Variants in SEPHS1 observed in about 807,000 individuals in gnomAD.
SEPHS1 encodes selenophosphate synthetase 1.
SEPHS1 carries 7 observed loss-of-function variants against 39.2 expected under a neutral mutation model. The ratio of observed to expected loss-of-function variants is 0.18; its 90% CI spans 0.10 to 0.34. The LOEUF is 0.34. Among genes scored for constraint, SEPHS1 ranks in the 10% least tolerant of loss-of-function variants. The pLI is 1.00. For synonymous variants in SEPHS1, 190 were observed against 195.5 expected, an observed-to-expected ratio of 0.97 and a Z score of 0.23; for missense variants, 253 against 514.5, an observed-to-expected ratio of 0.49 and a Z score of 4.92.
At chr10:13,333,437 G>A (rs886755860) in intron 5 of SEPHS1, among the ~76,000 whole-genome samples, 40 of 148,276 alleles carry the variant, frequency 2.7e-4, no homozygotes, top group East Asian at 2.0e-4. Flanking sequence ...CCAGCCTTGC[G>A]TTCTTGTCTT....
chr10:13,341,255 C>T (rs566713219), intron 2 of SEPHS1, among the ~76,000 whole-genome samples: 18 of 152,150 alleles, frequency 1.2e-4, no homozygotes, highest in African/African-American at 3.9e-4. Flanking sequence ...GACAGAGGGA[C>T]GGTCCAGAGG....
At chr10:13,334,256 G>A (rs1833557407) in intron 4 of SEPHS1, among the ~76,000 whole-genome samples, 1 of 151,972 alleles carries the variant, frequency 6.6e-6, no homozygotes, top group African/African-American at 2.4e-5. Context: ...AAAATTGCTG[G>A]GTGACCGGGC....
chr10:13,328,954 C>A (rs1423121286), intron 6 of SEPHS1, among the ~76,000 whole-genome samples: 1 of 152,186 alleles, frequency 6.6e-6, no homozygotes, highest in African/African-American at 2.4e-5. Context: ...TTTCTCTACC[C>A]TGCGACATCA....
rs775346368 is a variant in SEPHS1, at chr10:13,323,050, G to A, written c.752-3C>T. The A allele has an allele frequency of 1.9e-6, 3 of 1,613,636 alleles. 1 individual carries two copies. The South Asian group carries it at 3.3e-5, about 18-fold the overall frequency. ...GAACGTGTGCATGAGTCCTGCAGCT[G>A]GGAGAGAGAGGGGGCGGCTCTGAGA... On this transcript the variant is annotated splice_polypyrimidine_tract_variant and splice_region_variant and intron_variant, in intron 7 of 8. Transcript: ENST00000327347.
chr10:13,344,551 C>T (rs1259779819), intron 2 of SEPHS1, among the ~76,000 whole-genome samples: 1 of 152,040 alleles, frequency 6.6e-6, no homozygotes, highest in Non-Finnish European at 1.5e-5. Flanking sequence ...GTACGATGTA[C>T]ACTATTTGGG....
rs1175870841 is a variant in SEPHS1 at position 13,318,443 on chromosome 10, T to C, written c.*699A>G. 1 of 152,664 alleles carries C rather than the reference T, an allele frequency of 6.6e-6. No individual in the cohort carries two copies. Among genetic ancestry groups the C allele is most frequent in the Non-Finnish European group, 1.5e-5 (1 of 68,054 alleles). 9.5% of individuals were successfully genotyped at this position (152,664 alleles called of 1,614,324 possible). On this transcript the variant is annotated 3_prime_UTR_variant, in exon 9 of 9. Coordinates refer to ENST00000327347, the MANE Select transcript of SEPHS1 (RefSeq NM_012247.5). ...GAACATCTAATAACATTGCAAAAAG[T>C]ATCCTTTTTTGCTATCGATAAAACA...
chr10:13,329,981 T>G (rs879655195), intron 5 of SEPHS1, among the ~76,000 whole-genome samples, 193 bp from the exon 6 acceptor site: 5 of 152,216 alleles, frequency 3.3e-5, no homozygotes, highest in Admixed American at 1.3e-4. Flanking sequence ...AACAAAACAT[T>G]CAGCCATCAG....
intron 2 of SEPHS1, among the ~76,000 whole-genome samples, chr10:13,339,872 C>T (rs183966166): frequency 6.6e-6 from 1 of 152,312 alleles, no homozygotes; most frequent in East Asian, 1.9e-4. Flanking sequence ...CAACCATCCA[C>T]TTCTTTCCCT....
At chr10:13,338,632 C>A in intron 3 of SEPHS1, 73 bp downstream of exon 3, 1 of 1,231,078 alleles carries the variant, frequency 8.1e-7, no homozygotes, top group South Asian at 1.2e-5. Context: ...CAGATACATA[C>A]AAAACCCCAG....
At chr10:13,339,143 T>C (rs1833720522) in intron 2 of SEPHS1, among the ~76,000 whole-genome samples, 1 of 152,230 alleles carries the variant, frequency 6.6e-6, no homozygotes, top group Non-Finnish European at 1.5e-5. Context: ...TGGTACCGTA[T>C]ACAATTTCTT....
intron 5 of SEPHS1, among the ~76,000 whole-genome samples, chr10:13,330,752 T>C (rs1411910087): frequency 6.6e-6 from 1 of 152,184 alleles, no homozygotes. Flanking sequence ...CGCAAGAAAC[T>C]TGTTTTCCAA....
chr10:13,345,879 A>G (rs1833907340), intron 1 of SEPHS1, among the ~76,000 whole-genome samples: 1 of 152,238 alleles, frequency 6.6e-6, no homozygotes, highest in Admixed American at 6.5e-5. Context: ...CGTCTCAAAT[A>G]AAAAATAAAA....
chr10:13,331,708 C>T (rs1833476611), intron 5 of SEPHS1, among the ~76,000 whole-genome samples: 2 of 152,166 alleles, frequency 1.3e-5, no homozygotes, highest in South Asian at 4.1e-4. Context: ...CTTAACAAGA[C>T]ATCAAACATG....
At chr10:13,340,217 C>A (rs1215577849) in intron 2 of SEPHS1, among the ~76,000 whole-genome samples, 4 of 151,914 alleles carry the variant, frequency 2.6e-5, no homozygotes, top group African/African-American at 9.7e-5. Context: ...AAAATGAAAT[C>A]TCACTCAATA....
rs544150092 is a variant in SEPHS1 at position 13,317,834 on chromosome 10, C to T, written c.*1308G>A. On this transcript the variant is annotated 3_prime_UTR_variant, in exon 9 of 9. Transcript: ENST00000327347. ...CTTGTGCTTAATGACAGGAATCCCT[C>T]CTCATTGCTTAGTAGGTTAAAATAT... The T allele has an allele frequency of 9.9e-5, 15 of 152,282 alleles. No homozygotes were observed. The highest frequency in any genetic ancestry group is 4.4e-5 in the Non-Finnish European group (3 of 68,030). 9.4% of individuals were successfully genotyped at this position (152,282 alleles called of 1,614,324 possible). A position where few individuals can be genotyped will look rare whatever the true frequency, so the allele number is the denominator to read the frequency against.
intron 4 of SEPHS1, among the ~76,000 whole-genome samples, chr10:13,335,771 G>A (rs1275671881): frequency 6.6e-6 from 1 of 152,038 alleles, no homozygotes; most frequent in Non-Finnish European, 1.5e-5. Context: ...CCTGAGGTCA[G>A]GAGTTCAGGA....
At chr10:13,327,036 G>C (rs534534673) in intron 7 of SEPHS1, among the ~76,000 whole-genome samples, 1 of 151,710 alleles carries the variant, frequency 6.6e-6, no homozygotes, top group Non-Finnish European at 1.5e-5. Flanking sequence ...TCAGGAGTTC[G>C]AGACCAGCCT....
chr10:13,341,320 T>G (rs1299648719), intron 2 of SEPHS1, among the ~76,000 whole-genome samples: 1 of 151,206 alleles, frequency 6.6e-6, no homozygotes, highest in Non-Finnish European at 1.5e-5. Context: ...CCTTAAATAC[T>G]AGACAGAACA....
At chr10:13,346,686 C>T (rs1315416003) in intron 1 of SEPHS1, among the ~76,000 whole-genome samples, 1 of 152,008 alleles carries the variant, frequency 6.6e-6, no homozygotes, top group Non-Finnish European at 1.5e-5. Context: ...TCAAAAAACA[C>T]CTCGCATTTA....
Sources: allele counts gnomAD v4.1 joint callset (sites outside exome capture counted in the v4.1 genomes callset), GRCh38; gene constraint gnomAD v4.1.1; transcripts MANE v1.5; gene names NCBI Gene and HGNC (gene_info 2026-07-23, HGNC 2026-07-21).